PRKG1: variants seen among roughly 807,000 people sequenced by gnomAD.
PRKG1 encodes cGMP-dependent protein kinase 1.
PRKG1 carries 35 observed loss-of-function variants against 88.1 expected under a neutral mutation model. The ratio of observed to expected loss-of-function variants is 0.40; its 90% CI spans 0.30 to 0.53. PRKG1 has a LOEUF of 0.53. Ranked by LOEUF, PRKG1 falls within the 20% of genes least tolerant of loss-of-function variation. The probability of loss-of-function intolerance (pLI) is 0.59; values close to 1 mark genes in which losing one functional copy is unlikely to be tolerated. For synonymous variants in PRKG1, 303 were observed against 292.5 expected (o/e 1.04, Z -0.37); for missense variants, 540 against 839.8 (o/e 0.64, Z 4.41).
At chr10:52,198,202 G>T (rs561628090) in intron 9 of PRKG1, among the ~76,000 whole-genome samples, 1 of 152,138 alleles carries the variant, frequency 6.6e-6, no homozygotes, top group Non-Finnish European at 1.5e-5. Flanking sequence ...TGTAGTATAT[G>T]GTTTCGAGAA....
chr10:51,540,027 G>A (rs139925351), intron 3 of PRKG1, among the ~76,000 whole-genome samples: 1 of 152,274 alleles, frequency 6.6e-6, no homozygotes, highest in Non-Finnish European at 1.5e-5. Context: ...AGATAAGTGT[G>A]TGTCTTCTCA....
At chr10:51,476,164 A>G (rs1042839614) in intron 3 of PRKG1, among the ~76,000 whole-genome samples, 35 of 152,172 alleles carry the variant, frequency 2.3e-4, no homozygotes, top group Admixed American at 7.2e-4. Flanking sequence ...ACATCCATAT[A>G]TCACAGTCAT....
intron 1 of PRKG1, among the ~76,000 whole-genome samples, chr10:51,124,529 C>T (rs1213708335): frequency 6.6e-6 from 1 of 152,062 alleles, no homozygotes; most frequent in Non-Finnish European, 1.5e-5. Context: ...GGAGATAACT[C>T]ACATGATTTT....
intron 5 of PRKG1, among the ~76,000 whole-genome samples, chr10:51,979,746 T>G (rs897428701): frequency 5.1e-4 from 78 of 151,910 alleles, no homozygotes; most frequent in African/African-American, 1.8e-3. Context: ...CCAAAAAATT[T>G]TCCCATTTCT....
chr10:52,019,595 A>G (rs1320774934), intron 5 of PRKG1, among the ~76,000 whole-genome samples: 4 of 152,174 alleles, frequency 2.6e-5, no homozygotes, highest in African/African-American at 9.7e-5. Flanking sequence ...GTTAATGAGG[A>G]TATTTTATAC....
chr10:51,871,789 C>A (rs2132858328), intron 4 of PRKG1, among the ~76,000 whole-genome samples: 1 of 152,268 alleles, frequency 6.6e-6, no homozygotes, highest in East Asian at 1.9e-4. Context: ...GGGGGAAACA[C>A]CGCAGGCACA....
At chr10:51,420,210 A>G (rs528732254) in intron 2 of PRKG1, among the ~76,000 whole-genome samples, 1 of 152,280 alleles carries the variant, frequency 6.6e-6, no homozygotes, top group African/African-American at 2.4e-5. Flanking sequence ...TAGGAGCAAG[A>G]GAATTGAGAG....
intron 2 of PRKG1, among the ~76,000 whole-genome samples, chr10:51,166,736 A>G (rs1846553846): frequency 1.3e-5 from 2 of 152,224 alleles, no homozygotes; most frequent in South Asian, 2.1e-4. Flanking sequence ...AGTTACATCT[A>G]TACAAAGCAG....
At chr10:52,215,253 G>T (rs1035932064) in intron 9 of PRKG1, among the ~76,000 whole-genome samples, 1 of 151,926 alleles carries the variant, frequency 6.6e-6, no homozygotes, top group Non-Finnish European at 1.5e-5. Context: ...AATTAGCCGG[G>T]CATGGTGGTG....
At chr10:51,395,074 T>A (rs1050881967) in intron 2 of PRKG1, among the ~76,000 whole-genome samples, 2 of 152,234 alleles carry the variant, frequency 1.3e-5, no homozygotes, top group African/African-American at 4.8e-5. Context: ...TATCTAGGGA[T>A]GTGGTCTGTA....
intron 3 of PRKG1, among the ~76,000 whole-genome samples, chr10:51,737,372 C>T (rs1181521260): frequency 6.6e-6 from 1 of 152,206 alleles, no homozygotes; most frequent in African/African-American, 2.4e-5. Flanking sequence ...ACCCATCCTT[C>T]TTGAAAATGC....
intron 2 of PRKG1, among the ~76,000 whole-genome samples, chr10:51,167,615 G>A (rs757302532): frequency 1.3e-5 from 2 of 152,152 alleles, no homozygotes; most frequent in Non-Finnish European, 2.9e-5. Flanking sequence ...AGCAGTAATC[G>A]AAGCAAAATA....
At chr10:51,268,195 G>A (rs981151381) in intron 2 of PRKG1, among the ~76,000 whole-genome samples, 2 of 152,112 alleles carry the variant, frequency 1.3e-5, no homozygotes, top group Non-Finnish European at 2.9e-5. Flanking sequence ...GGCAAATGGA[G>A]GCAGGGCGAG....
intron 4 of PRKG1, among the ~76,000 whole-genome samples, chr10:51,868,329 G>T (rs1214787868): frequency 1.3e-5 from 2 of 152,088 alleles, no homozygotes; most frequent in East Asian, 3.9e-4. Context: ...CACTGAGATG[G>T]CTGGAGGTGG....
intron 1 of PRKG1, among the ~76,000 whole-genome samples, chr10:51,025,696 C>T (rs750472463): frequency 2.6e-5 from 4 of 152,122 alleles, no homozygotes; most frequent in South Asian, 2.1e-4. Context: ...TCTACTCTGT[C>T]GTCAGGCTGA....
chr10:51,333,347 A>T (rs992945358), intron 2 of PRKG1, among the ~76,000 whole-genome samples: 1 of 152,230 alleles, frequency 6.6e-6, no homozygotes, highest in Admixed American at 6.5e-5. Context: ...CACTGTTTCA[A>T]GCACTTTATG....
At chr10:52,074,646 C>G (rs1170699270) in intron 7 of PRKG1, among the ~76,000 whole-genome samples, 1 of 152,184 alleles carries the variant, frequency 6.6e-6, no homozygotes, top group Non-Finnish European at 1.5e-5. Flanking sequence ...CCTTCCAAGT[C>G]TAAATGATTG....
chr10:52,248,752 T>A (rs576145393), intron 9 of PRKG1, among the ~76,000 whole-genome samples: 1 of 151,558 alleles, frequency 6.6e-6, no homozygotes, highest in Non-Finnish European at 1.5e-5. Flanking sequence ...TTAAATACTA[T>A]CAGTAATTAG....
chr10:51,542,946 G>T (rs969087471), intron 3 of PRKG1, among the ~76,000 whole-genome samples: 3 of 152,138 alleles, frequency 2.0e-5, no homozygotes, highest in Admixed American at 6.6e-5. Context: ...GACAACATAG[G>T]AACGTGGGGG....
Sources: gnomAD v4.1 joint callset for allele counts (sites outside exome capture counted in the v4.1 genomes callset) on GRCh38, gnomAD v4.1.1 for gene constraint, MANE v1.5 for transcripts, NCBI Gene and HGNC (gene_info 2026-07-23, HGNC 2026-07-21) for gene names.